Variants in SLIT2 observed in about 807,000 individuals in gnomAD.
SLIT2 encodes the protein slit guidance ligand 2.
SLIT2 carries 41 observed loss-of-function variants against 185.7 expected under a neutral mutation model. That is an observed-to-expected ratio of 0.22 (90% CI 0.17 to 0.29). The LOEUF is 0.29. Among genes scored for constraint, SLIT2 ranks in the 10% least tolerant of loss-of-function variants. The pLI, the probability that SLIT2 is intolerant of heterozygous loss-of-function variation, is 1.00. For synonymous variants in SLIT2, 693 were observed against 680.2 expected (o/e 1.02, Z -0.29); for missense variants, 1,571 against 1,909.0 (o/e 0.82, Z 3.30).
rs752585118 is a variant in SLIT2, at chr4:20,617,648, G to A, written c.4346G>A (p.Arg1449Gln). Residue 1449 changes from arginine to glutamine, a missense_variant and splice_region_variant, in exon 36 of 37, where the codon CGA becomes CAA. Coordinates refer to ENST00000504154, the MANE Select transcript of SLIT2 (RefSeq NM_004787.4). ...GGATACACGGGGGACAGCTGTGATC[G>A]AGGTAAGCCAGCCCCACTGGGCACC... Reference protein sequence around the residue: ...SSGYTGDSCDREISCRGERIR... With the variant: ...SSGYTGDSCDQEISCRGERIR... 43 of 1,608,498 alleles carry A rather than the reference G, an allele frequency of 2.7e-5. No individual in the cohort carries two copies. Among genetic ancestry groups the A allele is most frequent in the East Asian group, 1.1e-4 (5 of 44,752 alleles).
chr4:20,370,617 G>A (rs564976957), intron 4 of SLIT2, among the ~76,000 whole-genome samples: 2 of 152,180 alleles, frequency 1.3e-5, no homozygotes, highest in African/African-American at 4.8e-5. Flanking sequence ...GGTGTGAAAG[G>A]AAATTTACTG....
At chr4:20,448,575 CCTCCCAGAGTGCTGGGATTACAGG>C (rs988946485) in intron 4 of SLIT2, among the ~76,000 whole-genome samples, 16 of 152,156 alleles carry the variant, frequency 1.1e-4, no homozygotes, top group Non-Finnish European at 2.4e-4. Context: ...CCCACCTCAG[CCTCCCAGAGTGCTGGGATTACAGG>C]CATGAGCCAC....
Position 20,518,256 on chromosome 4 carries a change from T to TATATA in SLIT2, c.1059-1126_1059-1125insATATA, listed in dbSNP as rs200572190. On this transcript the variant is annotated intron_variant, in intron 11 of 36. Coordinates refer to ENST00000504154, the MANE Select transcript of SLIT2 (RefSeq NM_004787.4). ...GTGTGTGTGTATATATATATATATA[T>TATATA]TTTTTTTTTTTTTTGAGACAGAGTC... Among the ~76,000 whole-genome samples the TATATA allele has an allele frequency of 7.3e-5, 8 of 109,402 alleles. No homozygotes were observed. The South Asian group carries it at 1.4e-3, about 20-fold the overall frequency. 71.8% of individuals were successfully genotyped at this position (109,402 alleles called of 152,430 possible). A position where few individuals can be genotyped will look rare whatever the true frequency, so the allele number is the denominator to read the frequency against.
chr4:20,365,380 C>T (rs1459548498), intron 4 of SLIT2, among the ~76,000 whole-genome samples: 3 of 152,132 alleles, frequency 2.0e-5, no homozygotes, highest in African/African-American at 7.2e-5. Context: ...TCAGCCGTAT[C>T]ATCTTTACTA....
At chr4:20,561,206 T>C (rs1334328854) in intron 26 of SLIT2, among the ~76,000 whole-genome samples, 1 of 151,754 alleles carries the variant, frequency 6.6e-6, no homozygotes, top group Non-Finnish European at 1.5e-5. Context: ...CCTCATTACT[T>C]CATTTGTAAA....
intron 17 of SLIT2, 157 bp from the exon 18 acceptor site, chr4:20,533,415 G>A: frequency 1.6e-6 from 1 of 619,708 alleles, no homozygotes; most frequent in South Asian, 2.0e-5. Flanking sequence ...CCTTTGTCTT[G>A]ATGGTGTAAG....
intron 4 of SLIT2, among the ~76,000 whole-genome samples, chr4:20,341,134 A>C (rs1313796464): frequency 1.3e-5 from 2 of 152,332 alleles, no homozygotes; most frequent in Non-Finnish European, 2.9e-5. Context: ...AATGCTGAGG[A>C]CCTTGCACTT....
chr4:20,417,436 G>GTGTGTATATATATATATATATATATA lies in SLIT2; in HGVS notation c.396-50315_396-50314insGTGTATATATATATATATATATATAT, dbSNP rs1553898364. ...CGCAATCATATATATATGTGTGTGT[G>GTGTGTATATATATATATATATATATA]TATATATATATATATATATATACGT... On this transcript the variant is annotated intron_variant, in intron 4 of 36. Transcript: ENST00000504154. Among the ~76,000 whole-genome samples, 72 of 123,670 alleles carry GTGTGTATATATATATATATATATATA rather than the reference G, an allele frequency of 5.8e-4. 1 individual carries two copies. The highest frequency in any genetic ancestry group is 1.4e-3 in the Admixed American group (17 of 11,836). 81.1% of individuals were successfully genotyped at this position (123,670 alleles called of 152,430 possible).
At chr4:20,473,085 A>C (rs1460721337) in intron 5 of SLIT2, among the ~76,000 whole-genome samples, 1 of 151,934 alleles carries the variant, frequency 6.6e-6, no homozygotes, top group Non-Finnish European at 1.5e-5. Flanking sequence ...ACATATTTTA[A>C]ATGTACTATG....
At chr4:20,577,566 A>T (rs1726179943) in intron 29 of SLIT2, among the ~76,000 whole-genome samples, 2 of 152,190 alleles carry the variant, frequency 1.3e-5, no homozygotes, top group African/African-American at 4.8e-5. Context: ...CTGGGATTAT[A>T]ACCTTGAGTA....
chr4:20,315,095 C>G (rs181104039), intron 4 of SLIT2, among the ~76,000 whole-genome samples: 15 of 152,006 alleles, frequency 9.9e-5, no homozygotes, highest in African/African-American at 7.2e-5. Context: ...TTAGAGAGAT[C>G]AAAGTACCAA....
intron 20 of SLIT2, 92 bp from the exon 21 acceptor site, chr4:20,542,402 G>T (rs1275630626): frequency 3.4e-6 from 4 of 1,182,766 alleles, no homozygotes; most frequent in South Asian, 2.7e-5. Context: ...TAAGACTCTT[G>T]TGTTTGTTAA....
intron 30 of SLIT2, among the ~76,000 whole-genome samples, chr4:20,590,950 A>C (rs1727470027): frequency 6.6e-6 from 1 of 152,338 alleles, no homozygotes; most frequent in Non-Finnish European, 1.5e-5. Flanking sequence ...ATAGTTTATT[A>C]ACATTACAGT....
At chr4:20,524,990 A>C (rs1386379359) in intron 14 of SLIT2, among the ~76,000 whole-genome samples, 159 bp from the exon 15 acceptor site, 1 of 152,172 alleles carries the variant, frequency 6.6e-6, no homozygotes, top group African/African-American at 2.4e-5. Flanking sequence ...AGATGCATTT[A>C]CTACTCACTG....
At chr4:20,327,938 C>T (rs370367806) in intron 4 of SLIT2, among the ~76,000 whole-genome samples, 1 of 151,988 alleles carries the variant, frequency 6.6e-6, no homozygotes, top group South Asian at 2.1e-4. Flanking sequence ...ATTTTATGAA[C>T]AATGCCAATG....
chr4:20,363,842 C>A (rs1263457329), intron 4 of SLIT2, among the ~76,000 whole-genome samples: 1 of 152,038 alleles, frequency 6.6e-6, no homozygotes, highest in Non-Finnish European at 1.5e-5. Flanking sequence ...GAGAACGGGG[C>A]ATTGTAGAAT....
intron 4 of SLIT2, among the ~76,000 whole-genome samples, chr4:20,380,262 T>C (rs935867101): frequency 6.6e-6 from 1 of 152,154 alleles, no homozygotes; most frequent in Admixed American, 6.6e-5. Context: ...TTATAAGCAT[T>C]TCTCAAAATG....
chr4:20,531,167 G>T (rs560817242), intron 16 of SLIT2, among the ~76,000 whole-genome samples: 10 of 152,052 alleles, frequency 6.6e-5, no homozygotes, highest in Non-Finnish European at 7.4e-5. Context: ...AGGCAGAAAC[G>T]TGCACACCAT....
intron 4 of SLIT2, among the ~76,000 whole-genome samples, chr4:20,446,282 G>T (rs933913271): frequency 6.6e-6 from 1 of 152,166 alleles, no homozygotes; most frequent in Non-Finnish European, 1.5e-5. Context: ...TTCCATGGGA[G>T]CCCATATTAT....
Sources: allele counts gnomAD v4.1 joint callset (sites outside exome capture counted in the v4.1 genomes callset), GRCh38; gene constraint gnomAD v4.1.1; transcripts MANE v1.5; gene names NCBI Gene and HGNC (gene_info 2026-07-23, HGNC 2026-07-21).